Variants in ZSCAN5A observed in about 807,000 individuals in gnomAD.
ZSCAN5A encodes zinc finger and SCAN domain containing 5A.
Under a neutral mutation model 23.7 loss-of-function variants are expected in ZSCAN5A, and 12 were observed. That is an observed-to-expected ratio of 0.51 (90% CI 0.32 to 0.82). The LOEUF (loss-of-function observed/expected upper bound fraction) is 0.82. Among genes scored for constraint, ZSCAN5A ranks in the 40% least tolerant of loss-of-function variants. The pLI, the probability that ZSCAN5A is intolerant of heterozygous loss-of-function variation, is 0.03. For synonymous variants in ZSCAN5A, 257 were observed against 239.9 expected (o/e 1.07, Z -0.66); for missense variants, 597 against 617.9 (o/e 0.97, Z 0.36).
chr19:56,250,388 C>T (rs1323113996), intron 2 of ZSCAN5A, among the ~76,000 whole-genome samples: 1 of 152,218 alleles, frequency 6.6e-6, no homozygotes, highest in African/African-American at 2.4e-5. Flanking sequence ...AGAGAAATTT[C>T]TAGCATCTCG....
At chr19:56,249,148 T>G (rs573676555) in intron 2 of ZSCAN5A, among the ~76,000 whole-genome samples, 1 of 152,340 alleles carries the variant, frequency 6.6e-6, no homozygotes, top group East Asian at 1.9e-4. Flanking sequence ...TGGTGACTAG[T>G]TGGTCTTAGT....
At chr19:56,226,742 G>A (rs1287760362) in intron 2 of ZSCAN5A, among the ~76,000 whole-genome samples, 1 of 152,198 alleles carries the variant, frequency 6.6e-6, no homozygotes, top group Non-Finnish European at 1.5e-5. Flanking sequence ...AAATCAGGAC[G>A]TGGACTCCAA....
At chr19:56,259,763 C>T (rs2036985255) in intron 2 of ZSCAN5A, among the ~76,000 whole-genome samples, 1 of 152,226 alleles carries the variant, frequency 6.6e-6, no homozygotes, top group South Asian at 2.1e-4. Context: ...TGCTTGAGTT[C>T]AGGAGTTTAA....
chr19:56,251,590 T>C (rs1490116109), intron 2 of ZSCAN5A, among the ~76,000 whole-genome samples: 1 of 152,202 alleles, frequency 6.6e-6, no homozygotes, highest in African/African-American at 2.4e-5. Context: ...CAGGGTCTTA[T>C]TCTGTCACTC....
intron 2 of ZSCAN5A, among the ~76,000 whole-genome samples, chr19:56,305,734 G>C (rs180678785): frequency 3.9e-5 from 6 of 152,252 alleles, no homozygotes; most frequent in Non-Finnish European, 7.3e-5. Flanking sequence ...TAGAGCTAGA[G>C]GAAAAGCTGA....
At chr19:56,247,879 G>A (rs1161973451) in intron 2 of ZSCAN5A, among the ~76,000 whole-genome samples, 2 of 151,886 alleles carry the variant, frequency 1.3e-5, no homozygotes, top group Non-Finnish European at 2.9e-5. Context: ...TTTTAGTAGA[G>A]ACGTGGTTTC....
At chr19:56,247,235 A>T in intron 2 of ZSCAN5A, 1 of 451,258 alleles carries the variant, frequency 2.2e-6, no homozygotes, top group Non-Finnish European at 4.1e-6. Context: ...TACACATGTG[A>T]CATCTGTCAC....
intron 2 of ZSCAN5A, chr19:56,302,830 GTTCT>G (rs980519136): frequency 7.5e-6 from 3 of 398,608 alleles, no homozygotes; most frequent in Non-Finnish European, 1.3e-5. Flanking sequence ...GCTGTCTCTT[GTTCT>G]TTCTAAGGGA....
intron 2 of ZSCAN5A, among the ~76,000 whole-genome samples, chr19:56,289,286 T>C (rs539039604): frequency 6.6e-6 from 1 of 152,216 alleles, no homozygotes; most frequent in Non-Finnish European, 1.5e-5. Flanking sequence ...ATGTCTTTTT[T>C]TATTTGGTGT....
At chr19:56,349,325 G>C (rs980375583) in intron 2 of ZSCAN5A, among the ~76,000 whole-genome samples, 2 of 152,056 alleles carry the variant, frequency 1.3e-5, no homozygotes, top group Non-Finnish European at 2.9e-5. Context: ...AATACATCAC[G>C]ATCAAGCCAA....
intron 2 of ZSCAN5A, among the ~76,000 whole-genome samples, chr19:56,344,087 A>G (rs2041613901): frequency 6.6e-6 from 1 of 152,240 alleles, no homozygotes; most frequent in African/African-American, 2.4e-5. Context: ...AACTGAGACA[A>G]TAACAAAGAT....
At chr19:56,341,701 G>GAAAAAAA (rs1568760130) in intron 2 of ZSCAN5A, among the ~76,000 whole-genome samples, 1 of 29,730 alleles carries the variant, frequency 3.4e-5, no homozygotes, top group African/African-American at 2.2e-4. Flanking sequence ...TTACCAAAAG[G>GAAAAAAA]CAAAAAAAAA....
At position 56,241,323 on chromosome 19, in the gene ZSCAN5A, G is replaced by T. The variant is rs181463996; in HGVS notation, c.-127-16150C>A. 3.7e-3 allele frequency among the ~76,000 whole-genome samples: 563 copies of T among 152,252 alleles called. 3 individuals are homozygous for T. The highest frequency in any genetic ancestry group is 0.012 in the African/African-American group (518 of 41,554). ...GCCCAGGCTGTTATCAAACTCCTGG[G>T]CTCAAGTGATCCTCTTGCCTTGGCC... On this transcript the variant is annotated intron_variant, in intron 2 of 5. Transcript: ENST00000683990.
At chr19:56,337,583 G>A (rs907507379) in intron 2 of ZSCAN5A, among the ~76,000 whole-genome samples, 12 of 152,246 alleles carry the variant, frequency 7.9e-5, no homozygotes, top group African/African-American at 1.4e-4. Flanking sequence ...GCACTGCACC[G>A]CACCCACTGT....
chr19:56,247,002 C>T (rs762196563), intron 2 of ZSCAN5A: 19 of 1,208,276 alleles, frequency 1.6e-5, no homozygotes, highest in Non-Finnish European at 2.2e-5. Flanking sequence ...ATTCCCCAGG[C>T]CCTGCAGGTG....
At chr19:56,335,683 T>A (rs532770104) in intron 2 of ZSCAN5A, among the ~76,000 whole-genome samples, 7 of 152,264 alleles carry the variant, frequency 4.6e-5, no homozygotes, top group Admixed American at 1.3e-4. Context: ...CTAGCCTTGA[T>A]GGTCTTTACA....
intron 2 of ZSCAN5A, among the ~76,000 whole-genome samples, chr19:56,273,996 T>C (rs971808756): frequency 6.6e-6 from 1 of 151,950 alleles, no homozygotes; most frequent in Admixed American, 6.6e-5. Context: ...AGGGTGAAGA[T>C]GGGGATAAGT....
chr19:56,314,675 C>A lies in ZSCAN5A; in HGVS notation c.-230+6G>T, dbSNP rs1198865979. ...GCAAGGGCGGAAGGGAAGCTAAAGT[C>A]GTTACCATGGTGACCGCGACACACT... is the stretch of plus-strand genomic sequence containing the variant. On this transcript the variant is annotated splice_donor_region_variant and intron_variant, in intron 1 of 5. Coordinates refer to ENST00000683990, the MANE Select transcript of ZSCAN5A (RefSeq NM_001322064.3). 1 of 152,256 alleles carries A rather than the reference C, an allele frequency of 6.6e-6. No homozygotes were observed. The highest frequency in any genetic ancestry group is 1.9e-4 in the East Asian group (1 of 5,192). The allele number at this position is 152,256 out of a possible 1,614,324, so 9.4% of individuals were successfully genotyped here.
chr19:56,285,772 C>T (rs2039069727), intron 2 of ZSCAN5A, among the ~76,000 whole-genome samples: 1 of 152,166 alleles, frequency 6.6e-6, no homozygotes, highest in Non-Finnish European at 1.5e-5. Flanking sequence ...AGCCATCACG[C>T]CCAGCCCAGT....
Sources: gnomAD v4.1 joint callset for allele counts (sites outside exome capture counted in the v4.1 genomes callset) on GRCh38, gnomAD v4.1.1 for gene constraint, MANE v1.5 for transcripts, NCBI Gene and HGNC (gene_info 2026-07-23, HGNC 2026-07-21) for gene names.